Variants in CCSER1 observed in about 807,000 individuals in gnomAD.
The protein encoded by CCSER1 is coiled-coil serine rich protein 1.
A neutral mutation model predicts 82.0 loss-of-function variants in CCSER1; 41 were observed. The ratio of observed to expected loss-of-function variants is 0.50; its 90% confidence interval spans 0.39 to 0.65. The LOEUF (loss-of-function observed/expected upper bound fraction) is 0.65, where lower values mean the gene tolerates loss of function less well. Ranked by LOEUF, CCSER1 falls within the 30% of genes least tolerant of loss-of-function variation. CCSER1 has a pLI of 0.00. For synonymous variants in CCSER1, 414 were observed against 383.9 expected (o/e 1.08, Z -0.92); for missense variants, 1,119 against 1,064.2 (o/e 1.05, Z -0.72).
chr4:91,188,668 A>T (rs1341813401), intron 10 of CCSER1, among the ~76,000 whole-genome samples: 1 of 152,178 alleles, frequency 6.6e-6, no homozygotes, highest in Non-Finnish European at 1.5e-5. Context: ...CTAGGTCATT[A>T]GCTGATGTTG....
intron 6 of CCSER1, among the ~76,000 whole-genome samples, chr4:90,644,581 A>T (rs186943776): frequency 6.6e-6 from 1 of 152,046 alleles, no homozygotes; most frequent in African/African-American, 2.4e-5. Context: ...CCTAGGTATT[A>T]AGCTCCACGT....
intron 10 of CCSER1, among the ~76,000 whole-genome samples, chr4:91,474,390 T>G (rs1455393565): frequency 2.0e-5 from 3 of 151,872 alleles, no homozygotes; most frequent in Non-Finnish European, 4.4e-5. Flanking sequence ...ATTACATATA[T>G]AATCACACAT....
At chr4:91,115,326 C>A (rs770915631) in intron 10 of CCSER1, among the ~76,000 whole-genome samples, 69 of 151,940 alleles carry the variant, frequency 4.5e-4, no homozygotes, top group Non-Finnish European at 8.2e-4. Context: ...ATCTTTTTTT[C>A]TTTCTTTTTT....
chr4:90,694,797 G>GGT (rs112192037), intron 6 of CCSER1, among the ~76,000 whole-genome samples: 6,160 of 145,394 alleles, frequency 0.042, 193 homozygotes, highest in African/African-American at 0.083. Flanking sequence ...GTGTGTGTGG[G>GGT]GTGTGTGTGT....
chr4:91,232,438 C>T (rs1038541075), intron 10 of CCSER1, among the ~76,000 whole-genome samples: 18 of 151,490 alleles, frequency 1.2e-4, no homozygotes, highest in African/African-American at 4.4e-4. Flanking sequence ...TGAAACTATC[C>T]ATAAGATATA....
intron 4 of CCSER1, among the ~76,000 whole-genome samples, chr4:90,432,706 C>G (rs1758458587): frequency 6.6e-6 from 1 of 152,102 alleles, no homozygotes; most frequent in African/African-American, 2.4e-5. Flanking sequence ...CCTCCCCACT[C>G]AGTCTCCCCA....
At chr4:91,061,101 A>G (rs978894020) in intron 9 of CCSER1, among the ~76,000 whole-genome samples, 1 of 152,040 alleles carries the variant, frequency 6.6e-6, no homozygotes, top group African/African-American at 2.4e-5. Context: ...TCATACTCCT[A>G]AATAATGACT....
intron 10 of CCSER1, among the ~76,000 whole-genome samples, chr4:91,342,274 A>G (rs775286472): frequency 1.3e-5 from 2 of 152,224 alleles, no homozygotes; most frequent in Non-Finnish European, 2.9e-5. Flanking sequence ...TAATAGAGCT[A>G]GAATTCAAAC....
rs1434890749 is a variant in CCSER1, at chr4:90,309,320, A to G, written c.1036A>G (p.Lys346Glu). The change falls in exon 2 of 11, where the codon AAG (lysine) becomes GAG (glutamate). Residue 346 changes from lysine (K) to glutamate (E), a missense_variant. Coordinates refer to ENST00000509176, the MANE Select transcript of CCSER1 (RefSeq NM_001145065.2). ...SLPETSAANQ[K>E]EVLLQIAELP... ...ACCGGAAACCTCTGCTGCTAATCAG[A>G]AGGAAGTGTTATTACAAATTGCTGA... 1.9e-6 allele frequency: 3 copies of G among 1,613,884 alleles called. No homozygotes were observed. In the East Asian group the frequency reaches 6.7e-5, roughly 36 times the overall value.
chr4:90,521,303 G>A (rs766759968), intron 5 of CCSER1, among the ~76,000 whole-genome samples: 2 of 152,148 alleles, frequency 1.3e-5, no homozygotes, highest in Non-Finnish European at 2.9e-5. Flanking sequence ...AGGACAAAAG[G>A]ACCAATTGTG....
At chr4:91,593,816 T>A (rs1291192650) in intron 10 of CCSER1, among the ~76,000 whole-genome samples, 2 of 152,142 alleles carry the variant, frequency 1.3e-5, no homozygotes, top group Non-Finnish European at 2.9e-5. Context: ...AATAAGTGAA[T>A]GTGGTTTATT....
chr4:90,802,509 A>G (rs1756964914), intron 7 of CCSER1, among the ~76,000 whole-genome samples: 1 of 151,952 alleles, frequency 6.6e-6, no homozygotes, highest in African/African-American at 2.4e-5. Context: ...ATATAAAGAT[A>G]GATCTACAAT....
At chr4:90,453,868 G>A (rs1201347064) in intron 4 of CCSER1, among the ~76,000 whole-genome samples, 1 of 152,200 alleles carries the variant, frequency 6.6e-6, no homozygotes, top group Non-Finnish European at 1.5e-5. Context: ...TCAGTGTCCA[G>A]GAGGAGGTCC....
intron 5 of CCSER1, among the ~76,000 whole-genome samples, chr4:90,484,926 T>A (rs1766751185): frequency 6.6e-6 from 1 of 152,234 alleles, no homozygotes; most frequent in African/African-American, 2.4e-5. Flanking sequence ...CATTTAAGTC[T>A]GCAGAGGTTA....
chr4:91,500,008 C>T (rs1030528434), intron 10 of CCSER1, among the ~76,000 whole-genome samples: 1 of 151,992 alleles, frequency 6.6e-6, no homozygotes, highest in African/African-American at 2.4e-5. Flanking sequence ...AATTCCTAAA[C>T]CTTATCGTAA....
At chr4:90,663,424 A>G (rs889344576) in intron 6 of CCSER1, among the ~76,000 whole-genome samples, 1 of 152,188 alleles carries the variant, frequency 6.6e-6, no homozygotes, top group Non-Finnish European at 1.5e-5. Context: ...CACACAAGAA[A>G]CAAATGGGAA....
chr4:91,460,027 C>T (rs576216464), intron 10 of CCSER1, among the ~76,000 whole-genome samples: 55 of 152,188 alleles, frequency 3.6e-4, no homozygotes, highest in African/African-American at 1.2e-3. Context: ...AATATGTAGC[C>T]CTTCTTCACA....
At chr4:90,260,982 C>T (rs1034537771) in intron 1 of CCSER1, among the ~76,000 whole-genome samples, 3 of 152,126 alleles carry the variant, frequency 2.0e-5, no homozygotes, top group Admixed American at 1.3e-4. Context: ...TCCCAAAGTA[C>T]TAGGATTAGA....
At chr4:90,568,753 C>G (rs1779726133) in intron 5 of CCSER1, among the ~76,000 whole-genome samples, 1 of 149,478 alleles carries the variant, frequency 6.7e-6, no homozygotes, top group Non-Finnish European at 1.5e-5. Flanking sequence ...TTTACTTCCT[C>G]TCTTGCTTTT....
Sources: gnomAD v4.1 joint callset for allele counts (sites outside exome capture counted in the v4.1 genomes callset) on GRCh38, gnomAD v4.1.1 for gene constraint, MANE v1.5 for transcripts, NCBI Gene and HGNC (gene_info 2026-07-23, HGNC 2026-07-21) for gene names.